Variants in SRGAP1 observed in about 807,000 individuals in gnomAD.
The protein encoded by SRGAP1 is SLIT-ROBO Rho GTPase-activating protein 1.
In SRGAP1, 43 loss-of-function variants were observed where a neutral mutation model predicts 121.9. The observed-to-expected ratio is 0.35, with a 90% CI of 0.28 to 0.46. The LOEUF (loss-of-function observed/expected upper bound fraction) is 0.46. Ranked by LOEUF, SRGAP1 falls within the 20% of genes least tolerant of loss-of-function variation. The pLI is 1.00. For missense variants in SRGAP1, 1,102 were observed against 1,350.9 expected (o/e 0.82, Z 2.89); for synonymous variants, 447 against 485.4 (o/e 0.92, Z 1.04).
In SRGAP1 at chr12:63,901,315, C is replaced by G. The variant is rs547656922; in HGVS notation, c.67+56432C>G. On this transcript the variant is annotated intron_variant, in intron 1 of 21. Transcript: ENST00000355086. Reference sequence around the variant, plus strand: ...AAATGAGCCATTCCCAGTCCTGCACCATGTTTATGCAAGTTTATTTTCCCC... The same window carrying G: ...AAATGAGCCATTCCCAGTCCTGCACGATGTTTATGCAAGTTTATTTTCCCC... 5.9e-5 allele frequency among the ~76,000 whole-genome samples: 9 copies of G among 152,264 alleles called. No individual in the cohort carries two copies. The South Asian group carries it at 1.9e-3, about 32-fold the overall frequency.
intron 6 of SRGAP1, among the ~76,000 whole-genome samples, chr12:64,052,217 G>A (rs1013923270): frequency 6.6e-6 from 1 of 152,096 alleles, no homozygotes; most frequent in African/African-American, 2.4e-5. Flanking sequence ...AACTGTGACT[G>A]GGGAGGGGGA....
chr12:64,026,209 T>C (rs761026852), intron 4 of SRGAP1, among the ~76,000 whole-genome samples: 3 of 152,182 alleles, frequency 2.0e-5, no homozygotes, highest in Non-Finnish European at 4.4e-5. Flanking sequence ...AGAATCCTTC[T>C]CAATGAAGTG....
intron 1 of SRGAP1, among the ~76,000 whole-genome samples, chr12:63,908,416 G>A (rs1156480671): frequency 1.3e-5 from 2 of 152,114 alleles, no homozygotes; most frequent in African/African-American, 2.4e-5. Flanking sequence ...TAGTGTGTAA[G>A]TGTAAAGCTT....
intron 6 of SRGAP1, among the ~76,000 whole-genome samples, chr12:64,058,023 C>T (rs1241975429): frequency 6.6e-6 from 1 of 152,176 alleles, no homozygotes; most frequent in Non-Finnish European, 1.5e-5. Context: ...GGGCTCATAT[C>T]ATGGAGTTAT....
At chr12:64,084,572 G>A (rs540620111) in intron 10 of SRGAP1, among the ~76,000 whole-genome samples, 4 of 149,394 alleles carry the variant, frequency 2.7e-5, no homozygotes, top group South Asian at 2.2e-4. Context: ...GATGGATGTG[G>A]TAGTGTGGTT....
At position 64,143,002 on chromosome 12, in the gene SRGAP1, AG is replaced by A; in HGVS notation, c.*331del. The stretch of plus-strand genomic sequence containing the variant: ...CTTCAGGTTTAATGTAGCCCAGCTG[AG>A]TCAGAAAGGTTGTGACCTGAAGGCA... On this transcript the variant is annotated 3_prime_UTR_variant, in exon 22 of 22. Transcript: ENST00000355086. 1 of 254,676 alleles carries A rather than the reference AG, an allele frequency of 3.9e-6. No individual in the cohort carries two copies. The allele number at this position is 254,676 out of a possible 1,614,324, so 15.8% of individuals were successfully genotyped here.
chr12:64,069,310 G>T (rs1455626013), intron 8 of SRGAP1, among the ~76,000 whole-genome samples: 1 of 152,194 alleles, frequency 6.6e-6, no homozygotes, highest in African/African-American at 2.4e-5. Flanking sequence ...ATACTTACAA[G>T]TAGTAAAAGT....
At position 64,150,758 on chromosome 12, in the gene SRGAP1, T is replaced by G. The variant is rs1003271057; in HGVS notation, c.*8086T>G. The G allele has an allele frequency of 2.2e-5, 1 of 45,084 alleles. No individual in the cohort carries two copies. 2.8% of individuals were successfully genotyped at this position (45,084 alleles called of 1,614,324 possible). On this transcript the variant is annotated 3_prime_UTR_variant, in exon 22 of 22. Coordinates refer to ENST00000355086, the MANE Select transcript of SRGAP1 (RefSeq NM_020762.4). ...TTATATTTTTTTGTGAGATCCCATCTCTACCAAAAAAAAAAAAAATACAAA... is the reference window on the plus strand; with the variant it reads ...TTATATTTTTTTGTGAGATCCCATCGCTACCAAAAAAAAAAAAAATACAAA...
At chr12:63,960,526 T>C (rs1168402317) in intron 1 of SRGAP1, among the ~76,000 whole-genome samples, 1 of 152,160 alleles carries the variant, frequency 6.6e-6, no homozygotes, top group Non-Finnish European at 1.5e-5. Flanking sequence ...GGCTCTCTCT[T>C]GCTTTCTCAG....
intron 17 of SRGAP1, among the ~76,000 whole-genome samples, chr12:64,112,775 G>T (rs184946518): frequency 6.6e-6 from 1 of 152,272 alleles, no homozygotes; most frequent in African/African-American, 2.4e-5. Context: ...TATGTTAAGT[G>T]AAATAAGCCA....
At chr12:63,938,817 T>C (rs902601497) in intron 1 of SRGAP1, among the ~76,000 whole-genome samples, 2 of 151,878 alleles carry the variant, frequency 1.3e-5, no homozygotes, top group Admixed American at 6.6e-5. Flanking sequence ...TTTGCTAATA[T>C]ACTTTTCAAT....
rs2036991862 is a variant in SRGAP1 at position 64,142,989 on chromosome 12, T to G, written c.*317T>G. On this transcript the variant is annotated 3_prime_UTR_variant, in exon 22 of 22. Coordinates refer to ENST00000355086, the MANE Select transcript of SRGAP1 (RefSeq NM_020762.4). ...ACATTGTACAGAGCTTCAGGTTTAA[T>G]GTAGCCCAGCTGAGTCAGAAAGGTT... The G allele has an allele frequency of 3.6e-6, 1 of 276,822 alleles. No homozygotes were observed. The highest frequency in any genetic ancestry group is 2.2e-5 in the African/African-American group (1 of 46,298). 17.1% of individuals were successfully genotyped at this position (276,822 alleles called of 1,614,324 possible).
chr12:63,982,210 CAAAACA>C (rs541767212), intron 1 of SRGAP1, among the ~76,000 whole-genome samples: 138 of 139,704 alleles, frequency 9.9e-4, no homozygotes, highest in African/African-American at 3.5e-3. Context: ...GACTCCGTCT[CAAAACA>C]AAAACAAAAA....
intron 15 of SRGAP1, among the ~76,000 whole-genome samples, chr12:64,105,119 C>G (rs2036323628): frequency 6.6e-6 from 1 of 152,110 alleles, no homozygotes; most frequent in Non-Finnish European, 1.5e-5. Flanking sequence ...TGTCTCTATG[C>G]ATTTGCCTAT....
At chr12:64,079,854 C>A (rs183178484) in intron 9 of SRGAP1, among the ~76,000 whole-genome samples, 51 of 152,216 alleles carry the variant, frequency 3.4e-4, no homozygotes, top group Admixed American at 2.7e-3. Context: ...GGTCTGCAGA[C>A]CACACTTCAA....
intron 1 of SRGAP1, among the ~76,000 whole-genome samples, chr12:63,882,535 C>T (rs992036135): frequency 1.3e-5 from 2 of 152,146 alleles, no homozygotes; most frequent in East Asian, 1.9e-4. Flanking sequence ...CCACCCGCCT[C>T]GGCCTCCCAA....
At chr12:63,888,207 A>G (rs878948512) in intron 1 of SRGAP1, 2 of 152,212 alleles carry the variant, frequency 1.3e-5, no homozygotes, top group African/African-American at 2.4e-5. Flanking sequence ...CTCTTCTCCA[A>G]GGGGAGCTGC....
intron 1 of SRGAP1, among the ~76,000 whole-genome samples, chr12:63,906,611 C>A (rs2030224872): frequency 6.6e-6 from 1 of 152,172 alleles, no homozygotes; most frequent in Non-Finnish European, 1.5e-5. Flanking sequence ...CCACGCCTGG[C>A]TGATTTTACA....
chr12:64,064,589 G>A (rs1024454953), intron 7 of SRGAP1, among the ~76,000 whole-genome samples: 3 of 151,894 alleles, frequency 2.0e-5, no homozygotes, highest in Non-Finnish European at 4.4e-5. Flanking sequence ...CATTCCCACA[G>A]CAGCCCTGTG....
Sources: allele counts gnomAD v4.1 joint callset (sites outside exome capture counted in the v4.1 genomes callset), GRCh38; gene constraint gnomAD v4.1.1; transcripts MANE v1.5; gene names NCBI Gene and HGNC (gene_info 2026-07-23, HGNC 2026-07-21).